CDH26: variants seen among roughly 807,000 people sequenced by gnomAD.
CDH26 encodes cadherin 26.
Under a neutral mutation model 90.3 loss-of-function variants are expected in CDH26, and 83 were observed. That is an observed-to-expected ratio of 0.92 (90% CI 0.77 to 1.10). CDH26 has a LOEUF of 1.10. Among genes scored for constraint, CDH26 ranks in the 50% least tolerant of loss-of-function variants. The pLI is 0.00. For missense variants in CDH26, 1,013 were observed against 1,037.6 expected, an observed-to-expected ratio of 0.98 and a Z score of 0.33; for synonymous variants, 397 against 396.3, an observed-to-expected ratio of 1.00 and a Z score of -0.02.
chr20:59,967,905 C>CTTCCTTCCTTCCT, intron 1 of CDH26, among the ~76,000 whole-genome samples: 1 of 112,090 alleles, frequency 8.9e-6, no homozygotes, highest in Non-Finnish European at 1.7e-5. Flanking sequence ...TCCTTCCTTC[C>CTTCCTTCCTTCCT]TTCCTTTCCT....
At chr20:59,970,825 TAAA>T (rs2061252607) in intron 3 of CDH26, among the ~76,000 whole-genome samples, 1 of 149,814 alleles carries the variant, frequency 6.7e-6, no homozygotes, top group African/African-American at 2.4e-5. Context: ...AATAAATAAA[TAAA>T]TAAATAAATA....
At chr20:59,995,771 T>A (rs2061585190) in intron 11 of CDH26, 62 bp from the exon 12 acceptor site, 3 of 1,457,634 alleles carry the variant, frequency 2.1e-6, no homozygotes, top group Non-Finnish European at 2.9e-6. Context: ...TCAGTAAGCG[T>A]GTGTTGAGCA....
At position 59,958,572 on chromosome 20, in the gene CDH26, G is replaced by A; in HGVS notation, c.-155G>A. ...TGCAAGAAAAGCTGAAAAGGGAGGA[G>A]CAAGATGGGATGAAAGCATCTGGGC... is the stretch of plus-strand genomic sequence containing the variant. On this transcript the variant is annotated 5_prime_UTR_variant, in exon 1 of 18. Transcript: ENST00000348616. 2 of 697,398 alleles carry A rather than the reference G, an allele frequency of 2.9e-6. No individual in the cohort carries two copies. The highest frequency in any genetic ancestry group is 2.6e-6 in the Non-Finnish European group (1 of 390,666). The allele number at this position is 697,398 out of a possible 1,614,324, so 43.2% of individuals were successfully genotyped here.
intron 1 of CDH26, among the ~76,000 whole-genome samples, chr20:59,967,876 T>TCTTCCTTCCTTC (rs1315479146): frequency 1.6e-4 from 9 of 54,640 alleles, no homozygotes; most frequent in African/African-American, 2.0e-4. Flanking sequence ...TTTCTTTCTT[T>TCTTCCTTCCTTC]CTTCCTTCCT....
intron 4 of CDH26, among the ~76,000 whole-genome samples, chr20:59,982,540 C>G (rs879798964): frequency 4.6e-5 from 7 of 152,180 alleles, no homozygotes; most frequent in Non-Finnish European, 7.3e-5. Flanking sequence ...ACTGTCTGCT[C>G]TCTGTGATGT....
At position 59,992,117 on chromosome 20, in the gene CDH26, A is replaced by C. The variant is rs1484475772; in HGVS notation, c.1284-261A>C. ...CCCCAAGGCAGACAAAACTATGTTC[A>C]GTCCAACAAGGAGGGGGACGCTTGG... is the stretch of plus-strand genomic sequence containing the variant. On this transcript the variant is annotated intron_variant, in intron 9 of 17. Transcript: ENST00000348616. The surrounding 1 kb of genome is among the most constrained non-coding windows in gnomAD (Gnocchi z 5.0). 2.0e-5 allele frequency among the ~76,000 whole-genome samples: 3 copies of C among 152,204 alleles called. No homozygotes were observed. The highest frequency in any genetic ancestry group is 2.0e-4 in the Admixed American group (3 of 15,286).
chr20:60,024,498 GA>G (rs1373510906), intron 7 of CDH26, among the ~76,000 whole-genome samples: 5 of 152,216 alleles, frequency 3.3e-5, no homozygotes, highest in African/African-American at 1.2e-4. Flanking sequence ...GATGTATTGA[GA>G]GCAAGTAACT....
At chr20:60,027,169 ACT>A (rs1197802338) in intron 7 of CDH26, among the ~76,000 whole-genome samples, 3 of 151,796 alleles carry the variant, frequency 2.0e-5, no homozygotes, top group African/African-American at 7.3e-5. Flanking sequence ...TGATCACAAG[ACT>A]CTGATTCTGT....
chr20:60,018,673 C>CCTCTGTT (rs1355085597), downstream of CDH26, among the ~76,000 whole-genome samples: 1 of 79,302 alleles, frequency 1.3e-5, no homozygotes, highest in Non-Finnish European at 2.7e-5. Context: ...TTTTGTATAT[C>CCTCTGTT]CTCTGTTTCT....
intron 10 of CDH26, 91 bp from the exon 11 acceptor site, chr20:59,994,159 A>C (rs1215677065): frequency 1.3e-6 from 2 of 1,508,202 alleles, no homozygotes; most frequent in African/African-American, 2.8e-5. Flanking sequence ...TATTTCAGGA[A>C]TATTTTTTTT....
At chr20:60,034,985 G>A (rs1351613921), downstream of CDH26, among the ~76,000 whole-genome samples, 1 of 152,224 alleles carries the variant, frequency 6.6e-6, no homozygotes, top group Non-Finnish European at 1.5e-5. Context: ...TCACAGAGGT[G>A]ATTATGGTTC....
In CDH26 at chr20:59,989,104, C is replaced by G. The variant is rs1186266149; in HGVS notation, c.1224C>G (p.Gly408=). The change falls in exon 9 of 18, where the codon GGC becomes GGG. Residue 408 remains glycine (G), a synonymous_variant. Transcript: ENST00000348616. ...GCTTCATTGTCAATAAAGAGGAGGG[C>G]GCCAGGCCTGGGACCCTGTTGGGAA... ...PQSFIVNKEE[G]ARPGTLLGTF... The G allele has an allele frequency of 1.2e-6, 2 of 1,614,168 alleles. No homozygotes were observed. The highest frequency in any genetic ancestry group is 3.3e-5 in the Admixed American group (2 of 60,030).
intron 3 of CDH26, among the ~76,000 whole-genome samples, chr20:59,971,276 G>A (rs920004321): frequency 2.0e-5 from 3 of 152,222 alleles, no homozygotes; most frequent in African/African-American, 7.2e-5. Flanking sequence ...GTCAGGGGGA[G>A]TGAGTGGGTT....
chr20:59,964,854 C>A (rs2061126051), intron 1 of CDH26, among the ~76,000 whole-genome samples: 1 of 152,184 alleles, frequency 6.6e-6, no homozygotes, highest in Non-Finnish European at 1.5e-5. Flanking sequence ...TTGTCTCATA[C>A]CCTCAATTTA....
intron 16 of CDH26, among the ~76,000 whole-genome samples, chr20:60,004,234 C>A (rs1013709859): frequency 7.9e-5 from 12 of 152,202 alleles, no homozygotes; most frequent in African/African-American, 2.4e-5. Context: ...TGTGTACACA[C>A]ATGTGTATAT....
chr20:59,984,797 G>A lies in CDH26; in HGVS notation c.700G>A (p.Asp234Asn). 6.2e-7 allele frequency: 1 copy of A among 1,607,532 alleles called. No homozygotes were observed. Among genetic ancestry groups the A allele is most frequent in the Non-Finnish European group, 8.5e-7 (1 of 1,178,420 alleles). Residue 234 changes from aspartate (D) to asparagine (N), a missense_variant, in exon 6 of 18, where the codon GAT (aspartate) becomes AAT (asparagine). By Grantham distance (23) the Asp-to-Asn change is conservative. Coordinates refer to ENST00000348616, the MANE Select transcript of CDH26 (RefSeq NM_177980.4). ...AGAAATACGACTCTCTGGCTGCTTA[G>A]ATTATGAGGTTATGTGGATTTTATT... ...SGEIRLSGCL[D>N]YETAPQFTLL...
intron 1 of CDH26, among the ~76,000 whole-genome samples, chr20:59,967,880 C>CTCT (rs1195650307): frequency 3.5e-4 from 26 of 74,972 alleles, no homozygotes; most frequent in African/African-American, 2.1e-3. Flanking sequence ...TTTCTTTCTT[C>CTCT]CTTCCTTCCT....
chr20:60,002,982 T>C, intron 16 of CDH26, 116 bp downstream of exon 16: 1 of 627,760 alleles, frequency 1.6e-6, no homozygotes, highest in South Asian at 3.7e-5. Flanking sequence ...AAAAAAAATA[T>C]GCCCAACATC....
intron 17 of CDH26, among the ~76,000 whole-genome samples, chr20:60,010,392 C>G (rs1270082337): frequency 1.3e-5 from 2 of 152,190 alleles, no homozygotes; most frequent in African/African-American, 4.8e-5. Flanking sequence ...ACGGATTAGA[C>G]AGGCTCCCAC....
Sources: allele counts gnomAD v4.1 joint callset (sites outside exome capture counted in the v4.1 genomes callset), GRCh38; gene constraint gnomAD v4.1.1; non-coding constraint Gnocchi (gnomAD v3.1); transcripts MANE v1.5; gene names NCBI Gene and HGNC (gene_info 2026-07-23, HGNC 2026-07-21).